Variants in FAM184A observed in about 807,000 individuals in gnomAD.
FAM184A encodes the protein family with sequence similarity 184 member A.
In FAM184A, 99 loss-of-function variants were observed where a neutral mutation model predicts 143.8. The ratio of observed to expected loss-of-function variants is 0.69; its 90% confidence interval spans 0.58 to 0.81. The LOEUF (loss-of-function observed/expected upper bound fraction) is 0.81. Among genes scored for constraint, FAM184A ranks in the 40% least tolerant of loss-of-function variants. FAM184A has a pLI of 0.00. For synonymous variants in FAM184A, 427 were observed against 446.4 expected (o/e 0.96, Z 0.55); for missense variants, 1,217 against 1,310.5 (o/e 0.93, Z 1.10).
At chr6:119,120,552 T>C (rs1343868085) in intron 1 of FAM184A, among the ~76,000 whole-genome samples, 1 of 152,252 alleles carries the variant, frequency 6.6e-6, no homozygotes, top group Admixed American at 6.5e-5. Flanking sequence ...GGTAACTCTA[T>C]GTTTCACATT....
intron 1 of FAM184A, among the ~76,000 whole-genome samples, chr6:119,066,748 C>G (rs1787466364): frequency 6.6e-6 from 1 of 152,162 alleles, no homozygotes. Context: ...TAACTGGGTT[C>G]CTTTTTCTGA....
intron 1 of FAM184A, among the ~76,000 whole-genome samples, chr6:119,136,838 C>CA (rs1176707733): frequency 1.3e-5 from 2 of 152,180 alleles, no homozygotes; most frequent in African/African-American, 4.8e-5. Context: ...TTGACAGTTC[C>CA]ACCAAGACGG....
In FAM184A at chr6:119,024,723, G is replaced by A; in HGVS notation, c.250C>T (p.Leu84Phe). The A allele has an allele frequency of 6.2e-7, 1 of 1,613,572 alleles. No homozygotes were observed. The highest frequency in any genetic ancestry group is 8.5e-7 in the Non-Finnish European group (1 of 1,179,868). Residue 84 changes from leucine (L) to phenylalanine (F), a missense_variant, in exon 2 of 18, where the codon CTT (leucine) becomes TTT (phenylalanine). Physicochemically the swap from Leu to Phe is conservative, Grantham distance 22. Coordinates refer to ENST00000338891, the MANE Select transcript of FAM184A (RefSeq NM_024581.6). The stretch of plus-strand genomic sequence containing the variant: ...AATATTTTTTCTCTTGTTTCAGCAA[G>A]AATTTGTTGAATTTCTTCTTCATGA... ...DAHEEEIQQI[L>F]AETREKILQY...
Position 119,016,853 on chromosome 6 carries a change from A to C in FAM184A, c.1424T>G (p.Leu475Ter). The C allele has an allele frequency of 1.2e-6, 2 of 1,614,018 alleles. No homozygotes were observed. Among genetic ancestry groups the C allele is most frequent in the Non-Finnish European group, 1.7e-6 (2 of 1,179,914 alleles). ...CAAAGTCTTAGAATGGGCCTCGTTT[A>C]ATTGAGTCACCTCCTCTTCCAATCT... is the stretch of plus-strand genomic sequence containing the variant. ...QSRLEEEVTQ[L>*]NEAHSKTLEE... is the part of the protein sequence containing the mutation. Residue 475 changes from leucine (L) to a stop codon, truncating the protein, a stop_gained, in exon 5 of 18, where the codon TTA (leucine) becomes TGA (stop). Coordinates refer to ENST00000338891, the MANE Select transcript of FAM184A (RefSeq NM_024581.6). LOFTEE classifies it high-confidence loss of function.
rs977029986 is a variant in FAM184A at position 119,061,531 on chromosome 6, C to CTTTTTT, written c.159+16604_159+16609dup. 2.2e-3 allele frequency among the ~76,000 whole-genome samples: 131 copies of CTTTTTT among 58,570 alleles called. 4 individuals carry two copies. Among genetic ancestry groups the CTTTTTT allele is most frequent in the Middle Eastern group, 0.017 (1 of 60 alleles). The allele number at this position is 58,570 out of a possible 152,430, so 38.4% of individuals were successfully genotyped here. On this transcript the variant is annotated intron_variant, in intron 1 of 17. Transcript: ENST00000338891. ...CTACCATGCCTGGCTAATTATTTTT[C>CTTTTTT]TTTTTTTTTTTTTTTTTTTTTTTTT...
In FAM184A at chr6:119,078,177, G is replaced by A. The variant is rs1199705054; in HGVS notation, c.123C>T (p.His41=). 6 of 1,592,752 alleles carry A rather than the reference G, an allele frequency of 3.8e-6. No individual in the cohort carries two copies. The highest frequency in any genetic ancestry group is 3.4e-5 in the South Asian group (3 of 87,890). The change falls in exon 1 of 18, where the codon CAC becomes CAT. Residue 41 remains histidine, a synonymous_variant. Coordinates refer to ENST00000338891, the MANE Select transcript of FAM184A (RefSeq NM_024581.6). This position sits in a 1 kb window ranked among gnomAD's most constrained non-coding sequence, Gnocchi z 5.5. ...GGGCGATTTTCTTGCTCATTTTCAG[G>A]TGCATCTCCTGGCTGTAGTCCATGC... ...GHSMDYSQEM[H]LKMSKKIAQL... is the part of the protein sequence containing the mutation.
At chr6:119,091,849 G>C (rs771678989) in intron 1 of FAM184A, among the ~76,000 whole-genome samples, 1 of 152,190 alleles carries the variant, frequency 6.6e-6, no homozygotes, top group Non-Finnish European at 1.5e-5. Flanking sequence ...GAACTTTGTA[G>C]ATACAGTAGC....
At chr6:119,113,764 A>AC (rs1788992707) in intron 1 of FAM184A, among the ~76,000 whole-genome samples, 1 of 151,726 alleles carries the variant, frequency 6.6e-6, no homozygotes, top group East Asian at 1.9e-4. Context: ...ACATGGTGAG[A>AC]CCCCCTGTCT....
chr6:119,147,129 C>T (rs1417920289), intron 1 of FAM184A, among the ~76,000 whole-genome samples: 1 of 147,414 alleles, frequency 6.8e-6, no homozygotes, highest in Non-Finnish European at 1.5e-5. Flanking sequence ...AACATCAATA[C>T]CACGAACACA....
intron 9 of FAM184A, among the ~76,000 whole-genome samples, chr6:118,986,432 G>A (rs1046021105): frequency 6.6e-6 from 1 of 152,182 alleles, no homozygotes; most frequent in Non-Finnish European, 1.5e-5. Context: ...CTGAATTCTT[G>A]TATGGAAAGC....
intron 1 of FAM184A, among the ~76,000 whole-genome samples, chr6:119,076,979 T>C (rs1787895879): frequency 6.6e-6 from 1 of 152,230 alleles, no homozygotes. Flanking sequence ...TACTGTTATG[T>C]ACCTGTAACT....
At position 119,140,552 on chromosome 6, in the gene FAM184A, G is replaced by C. The variant is rs118039234; in HGVS notation, c.-202+8526C>G. On this transcript the variant is annotated intron_variant, in intron 1 of 16. Coordinates refer to the FAM184A transcript ENST00000352896. ...AGCCATTTTCGGAACCATGCTCTCC[G>C]CTTTCTTTCAGTCCTTGTAATCAGC... Among the ~76,000 whole-genome samples the C allele has an allele frequency of 1.9e-4, 29 of 152,228 alleles. No individual in the cohort carries two copies. In the East Asian group the frequency reaches 5.6e-3, roughly 29 times the overall value.
intron 8 of FAM184A, 88 bp downstream of exon 8, chr6:119,003,413 G>T: frequency 7.9e-7 from 1 of 1,261,598 alleles, no homozygotes; most frequent in Non-Finnish European, 1.1e-6. Context: ...CTGCTACTAT[G>T]TCTTTAACAA....
chr6:119,127,343 G>A (rs1369792077), intron 1 of FAM184A, among the ~76,000 whole-genome samples: 1 of 152,238 alleles, frequency 6.6e-6, no homozygotes, highest in Non-Finnish European at 1.5e-5. Context: ...TAGTGGTGGT[G>A]AGGTATCTTG....
chr6:119,130,440 C>T (rs759404608), intron 1 of FAM184A, among the ~76,000 whole-genome samples: 1 of 152,170 alleles, frequency 6.6e-6, no homozygotes, highest in Non-Finnish European at 1.5e-5. Flanking sequence ...CACTGGCCAA[C>T]AGACACAAGT....
intron 11 of FAM184A, among the ~76,000 whole-genome samples, chr6:118,976,417 C>CT (rs938161651): frequency 5.9e-5 from 9 of 152,088 alleles, no homozygotes; most frequent in Non-Finnish European, 1.3e-4. Context: ...AATCCCAGCA[C>CT]TTTGGGAGGC....
At chr6:118,981,574 G>C (rs1474240084) in intron 9 of FAM184A, among the ~76,000 whole-genome samples, 1 of 152,118 alleles carries the variant, frequency 6.6e-6, no homozygotes, top group Non-Finnish European at 1.5e-5. Context: ...AAGAGAAAAG[G>C]CGGGGAATCA....
At chr6:119,066,285 G>A (rs896250351) in intron 1 of FAM184A, among the ~76,000 whole-genome samples, 1 of 152,142 alleles carries the variant, frequency 6.6e-6, no homozygotes, top group Non-Finnish European at 1.5e-5. Context: ...GAAGGCTCTT[G>A]GGGAGAACTT....
At chr6:119,075,732 A>C (rs1479538543) in intron 1 of FAM184A, among the ~76,000 whole-genome samples, 1 of 152,238 alleles carries the variant, frequency 6.6e-6, no homozygotes, top group Non-Finnish European at 1.5e-5. Flanking sequence ...TTCATGAGTA[A>C]AAATTCTATA....
Sources: gnomAD v4.1 joint callset for allele counts (sites outside exome capture counted in the v4.1 genomes callset) on GRCh38, gnomAD v4.1.1 for gene constraint, Gnocchi (gnomAD v3.1) non-coding constraint, MANE v1.5 for transcripts, NCBI Gene and HGNC (gene_info 2026-07-23, HGNC 2026-07-21) for gene names.